The following AGMO variants were observed in gnomAD, a reference collection of about 807,000 sequenced individuals.
AGMO encodes glyceryl-ether monooxygenase.
Under a neutral mutation model 60.2 loss-of-function variants are expected in AGMO, and 75 were observed. That is an observed-to-expected ratio of 1.25 (90% CI 1.03 to 1.51). The LOEUF is 1.51. Among genes scored for constraint, AGMO ranks in the 40% most tolerant of loss-of-function variants. The probability of loss-of-function intolerance (pLI) is 0.00; values close to 1 mark genes in which losing one functional copy is unlikely to be tolerated. For missense variants in AGMO, 763 were observed against 525.5 expected, an observed-to-expected ratio of 1.45 and a Z score of -4.42; for synonymous variants, 261 against 177.1, an observed-to-expected ratio of 1.47 and a Z score of -3.76.
intron 3 of AGMO, 37 bp from the exon 4 acceptor site, chr7:15,431,145 A>G (rs755586782): frequency 1.4e-6 from 2 of 1,480,980 alleles, no homozygotes. Context: ...CCATGAGAAT[A>G]AGAACAAAGC....
At position 15,561,821 on chromosome 7, in the gene AGMO, C is replaced by G; in HGVS notation, c.25G>C (p.Asp9His). 1 of 1,608,622 alleles carries G rather than the reference C, an allele frequency of 6.2e-7. No homozygotes were observed. Among genetic ancestry groups the G allele is most frequent in the Non-Finnish European group, 8.5e-7 (1 of 1,176,846 alleles). Reference sequence around the variant, plus strand: ...CGAAATCCCTGGGAAACTGAAACATCCTGCTGGGCTTCTGGGTTCTTCATT... The same window carrying G: ...CGAAATCCCTGGGAAACTGAAACATGCTGCTGGGCTTCTGGGTTCTTCATT... The part of the protein sequence containing the change: MKNPEAQQ[D>H]VSVSQGFRML... The change falls in exon 1 of 13, where the codon GAT (aspartate) becomes CAT (histidine). Residue 9 changes from aspartate to histidine, a missense_variant. Transcript: ENST00000342526.
intron 10 of AGMO, among the ~76,000 whole-genome samples, chr7:15,374,569 A>G (rs908484314): frequency 6.6e-6 from 1 of 151,756 alleles, no homozygotes; most frequent in Non-Finnish European, 1.5e-5. Context: ...TAAGATAGAG[A>G]ACTTCACCCT....
intron 12 of AGMO, among the ~76,000 whole-genome samples, chr7:15,300,682 T>C (rs1784539846): frequency 1.3e-5 from 2 of 152,146 alleles, no homozygotes; most frequent in East Asian, 1.9e-4. Context: ...ATCTGATGAA[T>C]GGAAGAAGCT....
chr7:15,283,269 C>T (rs1247576594), intron 12 of AGMO, among the ~76,000 whole-genome samples: 1 of 152,060 alleles, frequency 6.6e-6, no homozygotes, highest in Non-Finnish European at 1.5e-5. Flanking sequence ...TAATACTCCA[C>T]TTAAAAGATA....
At chr7:15,520,927 A>T (rs1027470944) in intron 3 of AGMO, among the ~76,000 whole-genome samples, 1 of 152,092 alleles carries the variant, frequency 6.6e-6, no homozygotes, top group South Asian at 2.1e-4. Context: ...TTTTGAAAAG[A>T]TTAACAAAAT....
chr7:15,363,466 T>C (rs1451473291), intron 12 of AGMO, among the ~76,000 whole-genome samples: 1 of 152,160 alleles, frequency 6.6e-6, no homozygotes, highest in African/African-American at 2.4e-5. Context: ...CTTCCTCCTT[T>C]TACAGACGAG....
At chr7:15,506,820 A>G (rs962145098) in intron 3 of AGMO, among the ~76,000 whole-genome samples, 7 of 151,960 alleles carry the variant, frequency 4.6e-5, no homozygotes, top group African/African-American at 1.7e-4. Context: ...ACAGAGAGAG[A>G]GAGACAGAGA....
In AGMO at chr7:15,263,692, G is replaced by T. The variant is rs547235054; in HGVS notation, c.1264-62333C>A. ...CACAAATGCTCATCAACCAATGAAG[G>T]GATAAAGAAATATGGTATACCATGG... is the stretch of plus-strand genomic sequence containing the variant. On this transcript the variant is annotated intron_variant, in intron 12 of 12. Coordinates refer to ENST00000342526, the MANE Select transcript of AGMO (RefSeq NM_001004320.2). 1.1e-4 allele frequency among the ~76,000 whole-genome samples: 17 copies of T among 152,126 alleles called. No individual in the cohort carries two copies. The South Asian group carries it at 3.5e-3, about 32-fold the overall frequency.
At chr7:15,547,391 T>C (rs1325893869) in intron 2 of AGMO, among the ~76,000 whole-genome samples, 1 of 152,156 alleles carries the variant, frequency 6.6e-6, no homozygotes, top group East Asian at 1.9e-4. Flanking sequence ...ATTTCTGCAT[T>C]TCCATCTGAG....
Position 15,392,077 on chromosome 7 carries a change from A to AT in AGMO, c.677-1173dup, listed in dbSNP as rs537581549. Among the ~76,000 whole-genome samples the AT allele has an allele frequency of 3.1e-4, 47 of 149,836 alleles. No homozygotes were observed. In the South Asian group the frequency reaches 3.6e-3, roughly 11 times the overall value. ...CCTATATTTTTTATTTTTTAATTTA[A>AT]TTTTTTTTTTGAGATGGAGTCTCAC... is the stretch of plus-strand genomic sequence containing the variant. On this transcript the variant is annotated intron_variant, in intron 6 of 12. Coordinates refer to ENST00000342526, the MANE Select transcript of AGMO (RefSeq NM_001004320.2).
At chr7:15,387,760 T>C (rs1783976924) in intron 8 of AGMO, among the ~76,000 whole-genome samples, 1 of 152,120 alleles carries the variant, frequency 6.6e-6, no homozygotes, top group Non-Finnish European at 1.5e-5. Flanking sequence ...TAAAGTTCAA[T>C]AAAATTATAA....
chr7:15,368,348 T>C (rs373922563), intron 10 of AGMO, among the ~76,000 whole-genome samples: 5 of 152,126 alleles, frequency 3.3e-5, no homozygotes, highest in East Asian at 1.9e-4. Flanking sequence ...TTACTTTGTT[T>C]GATTAAAATG....
intron 10 of AGMO, among the ~76,000 whole-genome samples, chr7:15,383,218 A>G (rs1783765976): frequency 6.6e-6 from 1 of 152,170 alleles, no homozygotes. Flanking sequence ...GCAAGTTGGT[A>G]GCCATCTTGC....
rs1393766386 is a variant in AGMO at position 15,392,189 on chromosome 7, C to T, written c.677-1284G>A. The stretch of plus-strand genomic sequence containing the variant: ...GGTTCACGCCATTCTCCTGCCTCAG[C>T]CTCCCGAGTAGCTGCGACCGCAGGT... On this transcript the variant is annotated intron_variant, in intron 6 of 12. Transcript: ENST00000342526. Among the ~76,000 whole-genome samples, 4 of 152,022 alleles carry T rather than the reference C, an allele frequency of 2.6e-5. No homozygotes were observed. In the South Asian group the frequency reaches 6.2e-4, roughly 24 times the overall value.
At chr7:15,133,866 C>T in the AGMO span, among the ~76,000 whole-genome samples, 1 of 152,154 alleles carries the variant, frequency 6.6e-6, no homozygotes, top group Non-Finnish European at 1.5e-5. Flanking sequence ...ACTTCAAATG[C>T]CGTGGATCTG....
chr7:15,161,896 G>C, the AGMO span, among the ~76,000 whole-genome samples: 1 of 151,972 alleles, frequency 6.6e-6, no homozygotes, highest in African/African-American at 2.4e-5. Context: ...GCCTCAGAAG[G>C]TTAACTTCAG....
At position 15,448,291 on chromosome 7, in the gene AGMO, T is replaced by C. The variant is rs149106690; in HGVS notation, c.410-17183A>G. On this transcript the variant is annotated intron_variant, in intron 3 of 12. Transcript: ENST00000342526. ...TTAGAAGCTTAGGGAACGGGATTAGTGCCCTTCTAAAAGAGACTCCAAAGA... is the reference window on the plus strand; with the variant it reads ...TTAGAAGCTTAGGGAACGGGATTAGCGCCCTTCTAAAAGAGACTCCAAAGA... 2.6e-3 allele frequency among the ~76,000 whole-genome samples: 397 copies of C among 152,258 alleles called. 1 individual carries two copies. The highest frequency in any genetic ancestry group is 9.2e-3 in the African/African-American group (382 of 41,558).
At chr7:15,194,133 A>T in the AGMO span, among the ~76,000 whole-genome samples, 2 of 152,134 alleles carry the variant, frequency 1.3e-5, no homozygotes, top group African/African-American at 4.8e-5. Context: ...TTCAGTATTA[A>T]ACTTTTTAAT....
At chr7:15,505,806 A>G (rs906538084) in intron 3 of AGMO, among the ~76,000 whole-genome samples, 2 of 152,058 alleles carry the variant, frequency 1.3e-5, no homozygotes, top group African/African-American at 2.4e-5. Context: ...AGTCTAAGAA[A>G]TCCAAATAGA....
Sources: allele counts gnomAD v4.1 joint callset (sites outside exome capture counted in the v4.1 genomes callset), GRCh38; gene constraint gnomAD v4.1.1; transcripts MANE v1.5; gene names NCBI Gene and HGNC (gene_info 2026-07-23, HGNC 2026-07-21).